Variants in TMEM117 observed in about 807,000 individuals in gnomAD.
TMEM117 encodes transmembrane protein 117.
A neutral mutation model predicts 52.4 loss-of-function variants in TMEM117; 27 were observed. The ratio of observed to expected loss-of-function variants is 0.51; its 90% CI spans 0.38 to 0.71. TMEM117 has a LOEUF of 0.71. TMEM117 is among the 30% of genes least tolerant of loss of function. The probability of loss-of-function intolerance (pLI) is 0.00; values close to 1 mark genes in which losing one functional copy is unlikely to be tolerated. For synonymous variants in TMEM117, 215 were observed against 206.3 expected (o/e 1.04, Z -0.36); for missense variants, 556 against 630.5 (o/e 0.88, Z 1.26).
intron 4 of TMEM117, among the ~76,000 whole-genome samples, chr12:44,202,281 T>C (rs1360613615): frequency 1.3e-5 from 2 of 152,190 alleles, no homozygotes; most frequent in African/African-American, 4.8e-5. Flanking sequence ...TTTCATATTT[T>C]AGAAGAATGC....
chr12:44,294,022 G>A (rs1206213361), intron 5 of TMEM117, among the ~76,000 whole-genome samples: 1 of 152,116 alleles, frequency 6.6e-6, no homozygotes, highest in African/African-American at 2.4e-5. Flanking sequence ...CTTAGCTTCT[G>A]TGGAAAAGTC....
At chr12:44,166,152 TAA>T (rs1948964274) in intron 4 of TMEM117, among the ~76,000 whole-genome samples, 1 of 151,968 alleles carries the variant, frequency 6.6e-6, no homozygotes. Flanking sequence ...AAGAAGGAAA[TAA>T]AAATAGTTCT....
intron 5 of TMEM117, among the ~76,000 whole-genome samples, chr12:44,269,518 A>G (rs993774603): frequency 4.0e-5 from 6 of 150,532 alleles, no homozygotes; most frequent in South Asian, 2.1e-4. Flanking sequence ...TGTTTTTTCT[A>G]TTCTTATCTT....
intron 2 of TMEM117, among the ~76,000 whole-genome samples, chr12:43,868,587 AAC>A (rs1235100254): frequency 2.6e-5 from 4 of 151,456 alleles, no homozygotes; most frequent in Non-Finnish European, 4.4e-5. Flanking sequence ...CAAAAAAAAA[AAC>A]ACACACACTT....
At chr12:43,910,083 C>T (rs1201387046) in intron 2 of TMEM117, among the ~76,000 whole-genome samples, 1 of 109,638 alleles carries the variant, frequency 9.1e-6, no homozygotes, top group Non-Finnish European at 1.9e-5. Flanking sequence ...AACATTGATG[C>T]AAAAATCCTC....
chr12:43,913,159 G>C (rs1252440346), intron 2 of TMEM117, among the ~76,000 whole-genome samples: 2 of 152,092 alleles, frequency 1.3e-5, no homozygotes, highest in Non-Finnish European at 2.9e-5. Context: ...ATTTATTTAA[G>C]GGATTTGTAG....
At chr12:43,952,066 A>G (rs1430279729) in intron 3 of TMEM117, among the ~76,000 whole-genome samples, 2 of 152,184 alleles carry the variant, frequency 1.3e-5, no homozygotes, top group African/African-American at 4.8e-5. Flanking sequence ...TTAGAAGACA[A>G]ACAAACAGAA....
At chr12:44,024,894 A>G (rs1946509149) in intron 3 of TMEM117, among the ~76,000 whole-genome samples, 1 of 151,784 alleles carries the variant, frequency 6.6e-6, no homozygotes, top group Non-Finnish European at 1.5e-5. Context: ...ATGTACATAC[A>G]TATAAGTACA....
intron 2 of TMEM117, among the ~76,000 whole-genome samples, chr12:43,926,026 G>A (rs1944773202): frequency 6.6e-6 from 1 of 152,144 alleles, no homozygotes; most frequent in African/African-American, 2.4e-5. Flanking sequence ...ATTAGTAGCT[G>A]CATAAATAAT....
chr12:44,253,620 G>A (rs1358044797), intron 5 of TMEM117, among the ~76,000 whole-genome samples: 1 of 152,074 alleles, frequency 6.6e-6, no homozygotes, highest in East Asian at 1.9e-4. Flanking sequence ...CAGCAGGTGA[G>A]CTAGTGCTCT....
At chr12:44,072,830 G>A (rs1325803449) in intron 3 of TMEM117, among the ~76,000 whole-genome samples, 1 of 152,140 alleles carries the variant, frequency 6.6e-6, no homozygotes, top group African/African-American at 2.4e-5. Context: ...TGTGGCTCAC[G>A]CCTGTAATCC....
chr12:44,129,657 G>A (rs1727695576), intron 3 of TMEM117, among the ~76,000 whole-genome samples: 1 of 152,108 alleles, frequency 6.6e-6, no homozygotes, highest in South Asian at 2.1e-4. Flanking sequence ...CTAGATTTAA[G>A]CTCTACCTTG....
intron 3 of TMEM117, among the ~76,000 whole-genome samples, chr12:44,046,012 T>G (rs1025042875): frequency 6.6e-5 from 10 of 152,304 alleles, no homozygotes; most frequent in African/African-American, 2.4e-4. Context: ...TTTGCAGGGT[T>G]GGGGCAAAGT....
intron 3 of TMEM117, among the ~76,000 whole-genome samples, chr12:44,070,145 C>T (rs746865598): frequency 6.6e-6 from 1 of 152,296 alleles, no homozygotes; most frequent in South Asian, 2.1e-4. Context: ...CCTACCTTGG[C>T]CTCCCAAAAT....
intron 4 of TMEM117, among the ~76,000 whole-genome samples, chr12:44,180,543 C>G (rs1418132092): frequency 7.4e-6 from 1 of 134,518 alleles, no homozygotes; most frequent in African/African-American, 2.8e-5. Flanking sequence ...GTGATATTCC[C>G]CTTCCTGTGT....
At chr12:44,397,462 T>C in the TMEM117 span, among the ~76,000 whole-genome samples, 1 of 152,098 alleles carries the variant, frequency 6.6e-6, no homozygotes, top group Non-Finnish European at 1.5e-5. Flanking sequence ...CAGAATGAAA[T>C]TGAGATGATG....
rs73272289 is a variant in TMEM117, at chr12:44,231,715, T to A, written c.608+20328T>A. Among the ~76,000 whole-genome samples, 680 of 151,948 alleles carry A rather than the reference T, an allele frequency of 4.5e-3. 5 individuals carry two copies. Among genetic ancestry groups the A allele is most frequent in the African/African-American group, 0.016 (648 of 41,542 alleles). On this transcript the variant is annotated intron_variant, in intron 5 of 7. Coordinates refer to ENST00000266534, the MANE Select transcript of TMEM117 (RefSeq NM_032256.3). ...CTTCAATTTGTATTCCCCTGATTATTGTATTGACCATTAAAAATCTTTGTT... is the reference window on the plus strand; with the variant it reads ...CTTCAATTTGTATTCCCCTGATTATAGTATTGACCATTAAAAATCTTTGTT...
intron 5 of TMEM117, among the ~76,000 whole-genome samples, chr12:44,259,357 AAAAACAT>A (rs1950295702): frequency 6.6e-6 from 1 of 152,158 alleles, no homozygotes; most frequent in African/African-American, 2.4e-5. Flanking sequence ...CAGATGATTC[AAAAACAT>A]GTTTAATATG....
intron 3 of TMEM117, among the ~76,000 whole-genome samples, chr12:43,999,033 A>C (rs1269512234): frequency 6.6e-6 from 1 of 152,220 alleles, no homozygotes; most frequent in African/African-American, 2.4e-5. Context: ...TGAAAAAGAC[A>C]ATCTCAAATG....
Sources: gnomAD v4.1 joint callset for allele counts (sites outside exome capture counted in the v4.1 genomes callset) on GRCh38, gnomAD v4.1.1 for gene constraint, MANE v1.5 for transcripts, NCBI Gene and HGNC (gene_info 2026-07-23, HGNC 2026-07-21) for gene names.